MOK: variants seen among roughly 807,000 people sequenced by gnomAD.
The protein encoded by MOK is MAPK/MAK/MRK overlapping kinase.
A neutral mutation model predicts 54.2 loss-of-function variants in MOK; 59 were observed. That is an observed-to-expected ratio of 1.09 (90% CI 0.88 to 1.35). The LOEUF (loss-of-function observed/expected upper bound fraction) is 1.35, where lower values mean the gene tolerates loss of function less well. MOK is among the 40% of genes most tolerant of loss of function. The pLI is 0.00. For synonymous variants in MOK, 210 were observed against 202.7 expected (o/e 1.04, Z -0.31); for missense variants, 517 against 526.2 (o/e 0.98, Z 0.17).
chr14:102,236,710 C>T lies in MOK; in HGVS notation c.591-2921G>A, dbSNP rs55780831. ...CCACCCCTTCCCTAGCTACTCACCA[C>T]GACCCCATCAAAATCCAGTTAAAAG... On this transcript the variant is annotated intron_variant, in intron 7 of 11. Transcript: ENST00000361847. This position sits in a 1 kb window ranked among gnomAD's most constrained non-coding sequence, Gnocchi z 4.5. Among the ~76,000 whole-genome samples, 18,637 of 152,000 alleles carry T rather than the reference C, an allele frequency of 0.12. 1,190 individuals carry two copies. Among genetic ancestry groups the T allele is most frequent in the Middle Eastern group, 0.15 (45 of 294 alleles).
At chr14:102,250,721 C>T (rs2066456930) in intron 7 of MOK, 91 bp downstream of exon 7, 1 of 1,215,244 alleles carries the variant, frequency 8.2e-7, no homozygotes, top group Non-Finnish European at 1.1e-6. Context: ...CCAGAATGAC[C>T]ATGACATCTG....
chr14:102,295,516 G>A (rs183051345), intron 1 of MOK, among the ~76,000 whole-genome samples: 1 of 152,300 alleles, frequency 6.6e-6, no homozygotes, highest in East Asian at 1.9e-4. Flanking sequence ...AGTAGAGGGA[G>A]GAAAAGAATT....
intron 7 of MOK, among the ~76,000 whole-genome samples, chr14:102,247,183 A>G (rs938672317): frequency 5.9e-5 from 9 of 151,992 alleles, no homozygotes; most frequent in African/African-American, 2.2e-4. Flanking sequence ...GGAAAAAAGA[A>G]CCCAAAGCCC....
In MOK at chr14:102,242,710, G is replaced by A. The variant is rs1445274017; in HGVS notation, c.590+8102C>T. 2.0e-5 allele frequency among the ~76,000 whole-genome samples: 3 copies of A among 151,994 alleles called. No individual in the cohort carries two copies. The East Asian group carries it at 5.8e-4, about 29-fold the overall frequency. On this transcript the variant is annotated intron_variant, in intron 7 of 11. Coordinates refer to ENST00000361847, the MANE Select transcript of MOK (RefSeq NM_014226.3). ...TCCTTACAATTCCCCCATTTTCCCT[G>A]TCCAAAAACCGGACAAGTCTTACAA...
chr14:102,302,422 CT>C (rs922914610), intron 1 of MOK, among the ~76,000 whole-genome samples: 2 of 150,330 alleles, frequency 1.3e-5, no homozygotes, highest in Admixed American at 6.7e-5. Context: ...TATTTATTTT[CT>C]TTTTTTTTGA....
At chr14:102,218,487 C>G in the MOK span, among the ~76,000 whole-genome samples, 1 of 152,212 alleles carries the variant, frequency 6.6e-6, no homozygotes, top group Non-Finnish European at 1.5e-5. Flanking sequence ...ATCTCCAGTC[C>G]GAGCAGCACC....
intron 1 of MOK, among the ~76,000 whole-genome samples, chr14:102,298,866 C>T (rs1032904958): frequency 6.6e-6 from 1 of 152,206 alleles, no homozygotes; most frequent in South Asian, 2.1e-4. Context: ...AGCAAGACCA[C>T]GAACCCACCA....
chr14:102,263,121 TC>T (rs375950920), intron 4 of MOK, among the ~76,000 whole-genome samples: 8 of 152,228 alleles, frequency 5.3e-5, no homozygotes, highest in African/African-American at 1.7e-4. Context: ...GGTAGGAGCT[TC>T]CCTCACATGC....
intron 7 of MOK, chr14:102,247,448 C>T (rs886732800): frequency 6.6e-6 from 1 of 152,206 alleles, no homozygotes; most frequent in Non-Finnish European, 1.5e-5. Flanking sequence ...GGAGACCAAC[C>T]CCTACCAATC....
At chr14:102,214,928 A>G in the MOK span, 63 of 984,982 alleles carry the variant, frequency 6.4e-5, no homozygotes, top group Non-Finnish European at 7.5e-5. Flanking sequence ...GACTTACTAC[A>G]TACTTGATAT....
intron 2 of MOK, chr14:102,278,459 CTTTTTG>C (rs2153163363): frequency 4.0e-6 from 1 of 252,790 alleles, no homozygotes; most frequent in South Asian, 3.9e-5. Context: ...ACACAGCAGA[CTTTTTG>C]TTTTTGTAAA....
chr14:102,301,062 T>G (rs2072139363), intron 1 of MOK, among the ~76,000 whole-genome samples: 1 of 152,088 alleles, frequency 6.6e-6, no homozygotes. Context: ...GCCACTGTAC[T>G]CATTCCAGCC....
At chr14:102,295,562 C>T (rs991977016) in intron 1 of MOK, among the ~76,000 whole-genome samples, 2 of 152,064 alleles carry the variant, frequency 1.3e-5, no homozygotes, top group Admixed American at 6.6e-5. Flanking sequence ...CTAGAGTATG[C>T]GAGGAAGAAG....
intron 7 of MOK, among the ~76,000 whole-genome samples, chr14:102,242,463 C>G (rs953506822): frequency 4.6e-5 from 7 of 152,034 alleles, no homozygotes; most frequent in African/African-American, 1.7e-4. Context: ...AGTTCAAAGC[C>G]TCCTTCACAT....
At chr14:102,294,736 T>A (rs896013870) in intron 1 of MOK, among the ~76,000 whole-genome samples, 1 of 152,206 alleles carries the variant, frequency 6.6e-6, no homozygotes, top group Admixed American at 6.5e-5. Context: ...CAATTCCAAT[T>A]TGTGTTTCAT....
chr14:102,282,973 G>C (rs1392681349), intron 2 of MOK, among the ~76,000 whole-genome samples: 1 of 143,724 alleles, frequency 7.0e-6, no homozygotes, highest in African/African-American at 2.6e-5. Context: ...AGAATCGCTT[G>C]AACTGGGGTG....
At chr14:102,252,595 AC>A (rs1292036233) in intron 4 of MOK, among the ~76,000 whole-genome samples, 5 of 152,214 alleles carry the variant, frequency 3.3e-5, no homozygotes, top group African/African-American at 1.2e-4. Context: ...TATTAGTAGC[AC>A]CATGTAATTT....
At chr14:102,222,745 CG>C (rs2064058133), downstream of MOK, 3 of 1,467,196 alleles carry the variant, frequency 2.0e-6, no homozygotes, top group Admixed American at 5.1e-5. The surrounding 1 kb of genome is among the most constrained non-coding windows in gnomAD (Gnocchi z 4.4). Flanking sequence ...GTTTTGACCA[CG>C]TGGAGCTGCT....
chr14:102,224,547 A>G (rs2064166064), downstream of MOK: 3 of 455,914 alleles, frequency 6.6e-6, no homozygotes, highest in Non-Finnish European at 1.3e-5. Context: ...GAAGTGTCTG[A>G]AACCTATTTC....
Sources: allele counts gnomAD v4.1 joint callset (sites outside exome capture counted in the v4.1 genomes callset), GRCh38; gene constraint gnomAD v4.1.1; non-coding constraint Gnocchi (gnomAD v3.1); transcripts MANE v1.5; gene names NCBI Gene and HGNC (gene_info 2026-07-23, HGNC 2026-07-21).